Variants in TTL observed in about 807,000 individuals in gnomAD.
The protein encoded by TTL is tubulin--tyrosine ligase.
TTL carries 10 observed loss-of-function variants against 41.1 expected under a neutral mutation model. The observed-to-expected ratio is 0.24, with a 90% CI of 0.15 to 0.41. The LOEUF (loss-of-function observed/expected upper bound fraction) is 0.41. Ranked by LOEUF, TTL falls within the 10% of genes least tolerant of loss-of-function variation. TTL has a pLI of 1.00. For synonymous variants in TTL, 175 were observed against 175.5 expected, an observed-to-expected ratio of 1.00 and a Z score of 0.02; for missense variants, 367 against 460.4, an observed-to-expected ratio of 0.80 and a Z score of 1.86.
Position 112,495,728 on chromosome 2 carries a change from T to C in TTL, c.469+1353T>C, listed in dbSNP as rs546047481. On this transcript the variant is annotated intron_variant, in intron 3 of 6. Transcript: ENST00000233336. ...TGGGTGTGGTGGCGGGTGCCTGTAGTCCCAGCTACTCGGGAGGCTGAGGCA... is the reference window on the plus strand; with the variant it reads ...TGGGTGTGGTGGCGGGTGCCTGTAGCCCCAGCTACTCGGGAGGCTGAGGCA... 3.6e-3 allele frequency among the ~76,000 whole-genome samples: 542 copies of C among 152,192 alleles called. 4 individuals are homozygous for C. The highest frequency in any genetic ancestry group is 0.012 in the African/African-American group (518 of 41,508).
At chr2:112,488,868 C>T (rs982239601) in intron 2 of TTL, among the ~76,000 whole-genome samples, 2 of 152,096 alleles carry the variant, frequency 1.3e-5, no homozygotes, top group Non-Finnish European at 2.9e-5. Flanking sequence ...GCGGGCGGAT[C>T]ACGATGTCAA....
In TTL at chr2:112,482,269, T is replaced by C. The variant is rs1008939445; in HGVS notation, c.-76T>C. 8 of 1,008,096 alleles carry C rather than the reference T, an allele frequency of 7.9e-6. No individual in the cohort carries two copies. The highest frequency in any genetic ancestry group is 9.5e-6 in the Non-Finnish European group (8 of 839,376). The allele number at this position is 1,008,096 out of a possible 1,614,324, so 62.4% of individuals were successfully genotyped here. On this transcript the variant is annotated 5_prime_UTR_variant, in exon 1 of 7. Transcript: ENST00000233336. The surrounding 1 kb of genome is among the most constrained non-coding windows in gnomAD (Gnocchi z 5.3). ...GGCCGCGGCGGGCGCCCGGGCGGGG[T>C]CCGCGCTGAGCCGCCTTCTCGGCCG...
At chr2:112,485,664 A>G (rs775377240) in intron 1 of TTL, among the ~76,000 whole-genome samples, 4 of 152,224 alleles carry the variant, frequency 2.6e-5, no homozygotes, top group Admixed American at 1.3e-4. Flanking sequence ...ACAAGAAAAA[A>G]CAGACAAAGG....
intron 6 of TTL, chr2:112,521,341 G>T (rs1251225366): frequency 1.0e-6 from 1 of 985,286 alleles, no homozygotes; most frequent in Non-Finnish European, 1.2e-6. Context: ...GAGGAAGGAA[G>T]GTAAGAGAGG....
chr2:112,520,387 G>A lies in TTL; in HGVS notation c.981G>A (p.Val327=), dbSNP rs1682190468. The change falls in exon 6 of 7, where the codon GTG becomes GTA. Residue 327 remains valine (V), a synonymous_variant. Transcript: ENST00000233336. ...TCATGGTCGATGAGGAGCTGAAGGT[G>A]TGGCTCATTGAGGTCAACGGTGCCC... The part of the protein sequence containing the change: ...FDFMVDEELK[V]WLIEVNGAPA... 6.2e-7 allele frequency: 1 copy of A among 1,614,154 alleles called. No individual in the cohort carries two copies. The highest frequency in any genetic ancestry group is 8.5e-7 in the Non-Finnish European group (1 of 1,180,038).
intron 2 of TTL, among the ~76,000 whole-genome samples, chr2:112,488,622 G>A (rs1204316125): frequency 6.6e-6 from 1 of 152,070 alleles, no homozygotes; most frequent in Non-Finnish European, 1.5e-5. Flanking sequence ...GCTGGGTATG[G>A]TGGTGGGTAC....
At chr2:112,486,112 C>T in intron 2 of TTL, 117 bp downstream of exon 2, 1 of 1,024,246 alleles carries the variant, frequency 9.8e-7, no homozygotes, top group Middle Eastern at 2.1e-4. Flanking sequence ...AATATCAGTT[C>T]AGAAGCTTCC....
chr2:112,482,470 A>G lies in TTL; in HGVS notation c.126A>G (p.Gly42=). 1 of 1,611,188 alleles carries G rather than the reference A, an allele frequency of 6.2e-7. No homozygotes were observed. Among genetic ancestry groups the G allele is most frequent in the East Asian group, 2.2e-5 (1 of 44,482 alleles). Residue 42 remains glycine, a synonymous_variant, in exon 1 of 7, where the codon GGA becomes GGG. Coordinates refer to ENST00000233336, the MANE Select transcript of TTL (RefSeq NM_153712.5). The surrounding 1 kb of genome is among the most constrained non-coding windows in gnomAD (Gnocchi z 5.3). ...RDNPRFNLML[G]ERNRLPFGRL... is the part of the protein sequence containing the mutation. ...ACCCCAGATTCAACCTGATGCTGGG[A>G]GAGAGGAATCGGCTGCCCTTCGGGA...
In TTL at chr2:112,538,454, A is replaced by C. The variant is rs1682638994; in HGVS notation, c.*9659A>C. ...TAAGTGGGACTTATCCTAAGATTAC[A>C]AAGTTTGGAATAACTCATGTTCTCT... On this transcript the variant is annotated 3_prime_UTR_variant, in exon 7 of 7. Transcript: ENST00000233336. 1 of 152,238 alleles carries C rather than the reference A, an allele frequency of 6.6e-6. No homozygotes were observed. The highest frequency in any genetic ancestry group is 2.1e-4 in the South Asian group (1 of 4,832). The allele number at this position is 152,238 out of a possible 1,614,324, so 9.4% of individuals were successfully genotyped here.
At position 112,525,514 on chromosome 2, in the gene TTL, G is replaced by A. The variant is rs150191664; in HGVS notation, c.1020-3167G>A. 5.1e-3 allele frequency among the ~76,000 whole-genome samples: 774 copies of A among 152,258 alleles called. 12 individuals carry two copies. Among genetic ancestry groups the A allele is most frequent in the Admixed American group, 0.036 (550 of 15,290 alleles). ...CTTGAAGAGGTCCTTTACATCCCTTGTAAGTTGGATTATTGGTATTTTATT... is the reference window on the plus strand; with the variant it reads ...CTTGAAGAGGTCCTTTACATCCCTTATAAGTTGGATTATTGGTATTTTATT... On this transcript the variant is annotated intron_variant, in intron 6 of 6. Transcript: ENST00000233336.
chr2:112,516,523 A>G (rs913553382), intron 5 of TTL, among the ~76,000 whole-genome samples: 8 of 152,126 alleles, frequency 5.3e-5, no homozygotes, highest in Non-Finnish European at 1.0e-4. Context: ...AAAATACAAA[A>G]ATTAGCCAGG....
Position 112,503,065 on chromosome 2 carries a change from C to T in TTL, c.759C>T (p.Tyr253=), listed in dbSNP as rs139375358. The stretch of plus-strand genomic sequence containing the variant: ...TTCAAAAAGAGTATTCAAAGAACTA[C>T]GGGAAGTATGAAGAAGGAAATGAAA... ...HCIQKEYSKN[Y]GKYEEGNEMF... Residue 253 remains tyrosine (Y), a synonymous_variant, in exon 5 of 7, where the codon TAC becomes TAT. Coordinates refer to ENST00000233336, the MANE Select transcript of TTL (RefSeq NM_153712.5). 99 of 1,613,718 alleles carry T rather than the reference C, an allele frequency of 6.1e-5. No individual in the cohort carries two copies. Among genetic ancestry groups the T allele is most frequent in the African/African-American group, 6.0e-4 (45 of 74,840 alleles).
rs1681740555 is a variant in TTL at position 112,502,915 on chromosome 2, C to T, written c.609C>T (p.Ser203=). The part of the protein sequence containing the change: ...EPGHRKFDIR[S]WVLVDHQYNI... ...CAGTGTTTTTGTTGAATTGCAGAAG[C>T]TGGGTCTTGGTGGATCATCAGTATA... The change falls in exon 5 of 7, where the codon AGC becomes AGT. Residue 203 remains serine (S), a synonymous_variant. Coordinates refer to ENST00000233336, the MANE Select transcript of TTL (RefSeq NM_153712.5). 14 of 1,600,378 alleles carry T rather than the reference C, an allele frequency of 8.7e-6. No individual in the cohort carries two copies. Among genetic ancestry groups the T allele is most frequent in the Non-Finnish European group, 1.2e-5 (14 of 1,171,852 alleles).
chr2:112,511,198 A>G (rs1021343725), intron 5 of TTL, among the ~76,000 whole-genome samples: 4 of 151,796 alleles, frequency 2.6e-5, no homozygotes, highest in African/African-American at 9.7e-5. Flanking sequence ...TTGTAGAGAC[A>G]GGGTTTTGCC....
At position 112,535,931 on chromosome 2, in the gene TTL, A is replaced by C. The variant is rs1171029113; in HGVS notation, c.*7136A>C. 1 of 152,174 alleles carries C rather than the reference A, an allele frequency of 6.6e-6. No homozygotes were observed. The highest frequency in any genetic ancestry group is 6.6e-5 in the Admixed American group (1 of 15,264). The allele number at this position is 152,174 out of a possible 1,614,324, so 9.4% of individuals were successfully genotyped here. ...GTAATCTTCCCACCTTAGCCACCCA[A>C]GTAGCTGGAACTATAGGTGCCTGCC... On this transcript the variant is annotated 3_prime_UTR_variant, in exon 7 of 7. Coordinates refer to ENST00000233336, the MANE Select transcript of TTL (RefSeq NM_153712.5).
In TTL at chr2:112,538,714, G is replaced by T. The variant is rs1480296840; in HGVS notation, c.*9919G>T. 1 of 152,228 alleles carries T rather than the reference G, an allele frequency of 6.6e-6. No individual in the cohort carries two copies. Among genetic ancestry groups the T allele is most frequent in the Non-Finnish European group, 1.5e-5 (1 of 68,094 alleles). The allele number at this position is 152,228 out of a possible 1,614,324, so 9.4% of individuals were successfully genotyped here. A position where few individuals can be genotyped will look rare whatever the true frequency, so the allele number is the denominator to read the frequency against. ...AATCGCTTGAACCTGAGAAGAGGAG[G>T]TTGCAGTGAGCAGAGATCGCACAAC... On this transcript the variant is annotated 3_prime_UTR_variant, in exon 7 of 7. Coordinates refer to ENST00000233336, the MANE Select transcript of TTL (RefSeq NM_153712.5).
At chr2:112,512,644 G>T (rs1435060275) in intron 5 of TTL, among the ~76,000 whole-genome samples, 1 of 151,936 alleles carries the variant, frequency 6.6e-6, no homozygotes, top group South Asian at 2.1e-4. Context: ...TGATCCACCC[G>T]CCTCAGCCTC....
At chr2:112,500,790 T>C (rs1681673500) in intron 3 of TTL, among the ~76,000 whole-genome samples, 1 of 152,064 alleles carries the variant, frequency 6.6e-6, no homozygotes, top group South Asian at 2.1e-4. Context: ...GCAAGGGACG[T>C]ACTTGAACAT....
At chr2:112,516,497 AACCCTGTCTCT>A (rs1330360034) in intron 5 of TTL, among the ~76,000 whole-genome samples, 1 of 152,158 alleles carries the variant, frequency 6.6e-6, no homozygotes, top group Non-Finnish European at 1.5e-5. Flanking sequence ...AATATGGTGA[AACCCTGTCTCT>A]ACTAAAAATA....
Sources: gnomAD v4.1 joint callset for allele counts (sites outside exome capture counted in the v4.1 genomes callset) on GRCh38, gnomAD v4.1.1 for gene constraint, Gnocchi (gnomAD v3.1) non-coding constraint, MANE v1.5 for transcripts, NCBI Gene and HGNC (gene_info 2026-07-23, HGNC 2026-07-21) for gene names.